TNRC6C: variants seen among roughly 807,000 people sequenced by gnomAD.
The protein encoded by TNRC6C is trinucleotide repeat-containing gene 6C protein.
Under a neutral mutation model 153.7 loss-of-function variants are expected in TNRC6C, and 20 were observed. That is an observed-to-expected ratio of 0.13 (90% confidence interval 0.09 to 0.19). TNRC6C has a LOEUF of 0.19. Among genes scored for constraint, TNRC6C ranks in the 10% least tolerant of loss-of-function variants. The probability of loss-of-function intolerance (pLI) is 1.00; values close to 1 mark genes in which losing one functional copy is unlikely to be tolerated. For synonymous variants in TNRC6C, 811 were observed against 841.4 expected, an observed-to-expected ratio of 0.96 and a Z score of 0.63; for missense variants, 1,987 against 2,172.0, an observed-to-expected ratio of 0.91 and a Z score of 1.69.
intron 1 of TNRC6C, among the ~76,000 whole-genome samples, chr17:77,961,304 C>T (rs2144022386): frequency 6.6e-6 from 1 of 152,134 alleles, no homozygotes; most frequent in African/African-American, 2.4e-5. Context: ...TACAGGTGCC[C>T]GCCGCCACGC....
At chr17:78,099,580 A>G (rs1355701379) in intron 17 of TNRC6C, among the ~76,000 whole-genome samples, 4 of 152,158 alleles carry the variant, frequency 2.6e-5, no homozygotes, top group African/African-American at 9.7e-5. Flanking sequence ...AGCATGGAAA[A>G]GACCTGCCCC....
upstream of TNRC6C, chr17:78,004,304 T>A: frequency 2.4e-6 from 3 of 1,231,678 alleles, no homozygotes; most frequent in Non-Finnish European, 3.0e-6. Context: ...TGTCTTTGTA[T>A]CATTGTGTGT....
intron 1 of TNRC6C, among the ~76,000 whole-genome samples, chr17:77,971,569 C>CA (rs2070940109): frequency 6.6e-6 from 1 of 152,012 alleles, no homozygotes; most frequent in Admixed American, 6.6e-5. Flanking sequence ...GTTCTTGCCC[C>CA]AAAATAACCT....
intron 8 of TNRC6C, among the ~76,000 whole-genome samples, chr17:78,076,800 A>T (rs770837940): frequency 8.5e-5 from 13 of 152,210 alleles, no homozygotes; most frequent in African/African-American, 3.1e-4. Context: ...TCAAAAACAA[A>T]TGTCATGGAA....
chr17:78,093,639 A>T, exon 16 of TNRC6C: 1 of 1,613,996 alleles, frequency 6.2e-7, no homozygotes, highest in Non-Finnish European at 8.5e-7. Flanking sequence ...CGGGAGTTCC[A>T]TGGAAAGGAC....
chr17:77,967,708 A>G (rs1244988825), intron 1 of TNRC6C, among the ~76,000 whole-genome samples: 3 of 152,246 alleles, frequency 2.0e-5, no homozygotes, highest in Admixed American at 2.0e-4. Context: ...ACAAAATTGT[A>G]GGTATGATAG....
rs542953124 is a variant in TNRC6C at position 78,103,587 on chromosome 17, G to A, written c.4712+34G>A. 30 of 1,612,906 alleles carry A rather than the reference G, an allele frequency of 1.9e-5. No individual in the cohort carries two copies. In the South Asian group the frequency reaches 3.2e-4, roughly 17 times the overall value. ...TCTCACAGCCACCTCAGCGCTCCAAGTAGCTCCCCATCCCCCAGAGCATTA... is the reference window on the plus strand; with the variant it reads ...TCTCACAGCCACCTCAGCGCTCCAAATAGCTCCCCATCCCCCAGAGCATTA... On this transcript the variant is annotated intron_variant, in intron 19 of 19. Coordinates refer to ENST00000301624, the Ensembl canonical transcript of TNRC6C.
intron 1 of TNRC6C, among the ~76,000 whole-genome samples, chr17:77,993,186 TC>T (rs1268823585): frequency 6.6e-6 from 1 of 152,144 alleles, no homozygotes; most frequent in East Asian, 1.9e-4. Flanking sequence ...GGTCTCGAAT[TC>T]CTGACCTCAG....
At chr17:78,107,494 T>C (rs1413440057) in exon 20 of TNRC6C, 1 of 152,242 alleles carries the variant, frequency 6.6e-6, no homozygotes, top group East Asian at 1.9e-4. Context: ...CAAAAGACAC[T>C]ATGGATGTCT....
chr17:78,091,554 T>C (rs376250597), exon 14 of TNRC6C: 1 of 1,602,150 alleles, frequency 6.2e-7, no homozygotes, highest in Non-Finnish European at 8.5e-7. Flanking sequence ...CCCAACTCCA[T>C]GGATAACTTG....
At chr17:78,072,775 T>C (rs1487677253) in intron 6 of TNRC6C, among the ~76,000 whole-genome samples, 1 of 152,214 alleles carries the variant, frequency 6.6e-6, no homozygotes, top group Non-Finnish European at 1.5e-5. Flanking sequence ...TAGGAGTACT[T>C]ACAAGGTTTT....
intron 1 of TNRC6C, among the ~76,000 whole-genome samples, chr17:77,991,483 G>A (rs1343751829): frequency 6.6e-6 from 1 of 152,136 alleles, no homozygotes; most frequent in Non-Finnish European, 1.5e-5. Flanking sequence ...TGGGCAAGTT[G>A]TGGTCACTTG....
chr17:78,079,306 TC>T lies in TNRC6C; in HGVS notation c.3211-88del. 6.5e-7 allele frequency: 1 copy of T among 1,546,174 alleles called. No homozygotes were observed. The highest frequency in any genetic ancestry group is 1.8e-5 in the Admixed American group (1 of 54,872). On this transcript the variant is annotated intron_variant, in intron 9 of 19. Transcript: ENST00000301624. The surrounding 1 kb of genome is among the most constrained non-coding windows in gnomAD (Gnocchi z 4.3). The stretch of plus-strand genomic sequence containing the variant: ...GTAGGAAGTAGAAACAATTTTGCAT[TC>T]ACTTGAAATAGATCATTTCACCCTA...
In TNRC6C at chr17:77,989,532, G is replaced by A. The variant is rs1229752865; in HGVS notation, c.-37-14638G>A. ...CACCTGCTAATCAGTGCCAGTCATG[G>A]AATTTGAGTTGCAATGCCAACTTTA... On this transcript the variant is annotated intron_variant, in intron 1 of 22. Transcript: ENST00000636222. Among the ~76,000 whole-genome samples the A allele has an allele frequency of 2.0e-5, 3 of 152,172 alleles. 1 individual carries two copies. Among genetic ancestry groups the A allele is most frequent in the Admixed American group, 1.3e-4 (2 of 15,278 alleles).
chr17:78,031,106 T>TA (rs907737702), intron 1 of TNRC6C, among the ~76,000 whole-genome samples: 159 of 145,060 alleles, frequency 1.1e-3, no homozygotes, highest in Middle Eastern at 3.5e-3. Context: ...GTCTCACACT[T>TA]AAAAAAAAAA....
chr17:77,979,671 C>T (rs2071046580), intron 1 of TNRC6C, among the ~76,000 whole-genome samples: 1 of 151,982 alleles, frequency 6.6e-6, no homozygotes, highest in African/African-American at 2.4e-5. Flanking sequence ...TAGTAAAAGA[C>T]ATAATAACTT....
intron 1 of TNRC6C, among the ~76,000 whole-genome samples, chr17:77,985,474 C>T (rs1020090713): frequency 2.6e-4 from 40 of 151,458 alleles, no homozygotes; most frequent in Non-Finnish European, 5.6e-4. Context: ...TGGTGGCGGG[C>T]GCCTGTAGTC....
chr17:77,969,159 G>T (rs747930703), intron 1 of TNRC6C, among the ~76,000 whole-genome samples: 2 of 152,170 alleles, frequency 1.3e-5, no homozygotes, highest in Non-Finnish European at 2.9e-5. Context: ...CTCTGAAGAA[G>T]CCAGGTCACC....
At chr17:78,051,992 A>C (rs570129126) in intron 3 of TNRC6C, among the ~76,000 whole-genome samples, 48 of 152,216 alleles carry the variant, frequency 3.2e-4, no homozygotes, top group Non-Finnish European at 6.0e-4. Flanking sequence ...TTAAGGTGGC[A>C]AAGTCGTGAG....
Sources: allele counts gnomAD v4.1 joint callset (sites outside exome capture counted in the v4.1 genomes callset), GRCh38; gene constraint gnomAD v4.1.1; non-coding constraint Gnocchi (gnomAD v3.1); transcripts MANE v1.5; gene names NCBI Gene and HGNC (gene_info 2026-07-23, HGNC 2026-07-21).